PCDHGA5: variants seen among roughly 807,000 people sequenced by gnomAD.
PCDHGA5 encodes protocadherin gamma subfamily A, 5.
A neutral mutation model predicts 56.7 loss-of-function variants in PCDHGA5; 36 were observed. That is an observed-to-expected ratio of 0.64 (90% CI 0.49 to 0.84). PCDHGA5 has a LOEUF of 0.84. PCDHGA5 is among the 40% of genes least tolerant of loss of function. The pLI, the probability that PCDHGA5 is intolerant of heterozygous loss-of-function variation, is 0.00. For synonymous variants in PCDHGA5, 563 were observed against 520.2 expected, an observed-to-expected ratio of 1.08 and a Z score of -1.12; for missense variants, 1,305 against 1,201.5, an observed-to-expected ratio of 1.09 and a Z score of -1.27.
intron 1 of PCDHGA5, among the ~76,000 whole-genome samples, chr5:141,470,814 A>T (rs1170059292): frequency 2.6e-5 from 4 of 152,006 alleles, no homozygotes; most frequent in Admixed American, 6.5e-5. Context: ...CAGCCTTCTG[A>T]GTAGTTAGGA....
chr5:141,433,571 C>T lies in PCDHGA5; in HGVS notation c.2422-61236C>T, dbSNP rs2097625242. ...TCTTTTCTGGCTGGGCGCGGTGGCT[C>T]ACGCCTGTAATCCCAGTACTTTGGG... On this transcript the variant is annotated intron_variant, in intron 1 of 3. Coordinates refer to ENST00000518069, the MANE Select transcript of PCDHGA5 (RefSeq NM_018918.3). 3.9e-5 allele frequency among the ~76,000 whole-genome samples: 6 copies of T among 152,228 alleles called. No homozygotes were observed. The South Asian group carries it at 1.2e-3, about 32-fold the overall frequency.
In PCDHGA5 at chr5:141,403,600, T is replaced by C. The variant is rs530169293; in HGVS notation, c.2421+36849T>C. 72 of 1,613,786 alleles carry C rather than the reference T, an allele frequency of 4.5e-5. 1 individual carries two copies. The East Asian group carries it at 1.6e-3, about 35-fold the overall frequency. On this transcript the variant is annotated intron_variant, in intron 1 of 3. Coordinates refer to ENST00000518069, the MANE Select transcript of PCDHGA5 (RefSeq NM_018918.3). ...ACCACCTGGTCCTCACGGCCTCGGATGGCGGCGAGCCGCGTCGCTCCAGCA... is the reference window on the plus strand; with the variant it reads ...ACCACCTGGTCCTCACGGCCTCGGACGGCGGCGAGCCGCGTCGCTCCAGCA...
At chr5:141,430,977 A>C (rs761722055) in intron 1 of PCDHGA5, 1 of 1,613,290 alleles carries the variant, frequency 6.2e-7, no homozygotes, top group South Asian at 1.1e-5. Context: ...GGTAGGACGC[A>C]GCTTTTCGCC....
intron 1 of PCDHGA5, chr5:141,418,035 T>C: frequency 6.2e-7 from 1 of 1,614,000 alleles, no homozygotes; most frequent in Non-Finnish European, 8.5e-7. Context: ...CTTAGTGTCC[T>C]GGATGTGTCG....
At chr5:141,453,932 C>T (rs57919166) in intron 1 of PCDHGA5, among the ~76,000 whole-genome samples, 2 of 152,296 alleles carry the variant, frequency 1.3e-5, no homozygotes, top group African/African-American at 4.8e-5. Context: ...TCACTGTGTG[C>T]CTATAATTTA....
chr5:141,428,015 A>G, intron 1 of PCDHGA5: 5 of 1,604,042 alleles, frequency 3.1e-6, no homozygotes, highest in Non-Finnish European at 3.4e-6. Flanking sequence ...ATATAGTGCC[A>G]CGCGCCGCAG....
At chr5:141,503,010 A>AT (rs199924715) in intron 2 of PCDHGA5, among the ~76,000 whole-genome samples, 26,593 of 146,658 alleles carry the variant, frequency 0.18, 2,532 homozygotes, top group Admixed American at 0.29. Context: ...TGCCCGGTTA[A>AT]TTTTTTTTTT....
chr5:141,477,898 AG>A lies in PCDHGA5; in HGVS notation c.2422-16907del. The stretch of plus-strand genomic sequence containing the variant: ...CTGGCCACCTAGTGTCACGGGTGGT[AG>A]GCTGGGACGCGGATGCAGGGCACAA... On this transcript the variant is annotated intron_variant, in intron 1 of 3. Coordinates refer to ENST00000518069, the MANE Select transcript of PCDHGA5 (RefSeq NM_018918.3). The surrounding 1 kb of genome is among the most constrained non-coding windows in gnomAD (Gnocchi z 4.9). The A allele has an allele frequency of 6.2e-7, 1 of 1,614,158 alleles. No individual in the cohort carries two copies. Among genetic ancestry groups the A allele is most frequent in the Non-Finnish European group, 8.5e-7 (1 of 1,180,036 alleles).
intron 1 of PCDHGA5, chr5:141,441,480 T>A (rs1679700290): frequency 5.9e-6 from 1 of 170,298 alleles, no homozygotes. Flanking sequence ...CCAACGACAA[T>A]GCTCTGGTTT....
At chr5:141,392,693 C>T (rs1315405629) in intron 1 of PCDHGA5, 5 of 1,161,626 alleles carry the variant, frequency 4.3e-6, no homozygotes, top group Non-Finnish European at 5.8e-6. Context: ...GAAACCCGAC[C>T]CCTGTTTGGA....
chr5:141,473,260 G>T (rs2099318007), intron 1 of PCDHGA5, among the ~76,000 whole-genome samples: 1 of 152,148 alleles, frequency 6.6e-6, no homozygotes, highest in South Asian at 2.1e-4. Flanking sequence ...ATAGTCCTTA[G>T]TGTATGCTAT....
chr5:141,475,984 G>C (rs1282216343), intron 1 of PCDHGA5: 1 of 1,069,308 alleles, frequency 9.4e-7, no homozygotes, highest in Non-Finnish European at 1.3e-6. Flanking sequence ...AACAGCCGGC[G>C]AGCAAATCAA....
At chr5:141,503,229 T>C (rs986982708) in intron 2 of PCDHGA5, among the ~76,000 whole-genome samples, 1 of 152,080 alleles carries the variant, frequency 6.6e-6, no homozygotes, top group African/African-American at 2.4e-5. Context: ...ACCGTAAAGA[T>C]GGACAGTTTC....
At chr5:141,396,767 G>C (rs900685366) in intron 1 of PCDHGA5, 1 of 152,220 alleles carries the variant, frequency 6.6e-6, no homozygotes, top group African/African-American at 2.4e-5. Context: ...ATAAATGTTT[G>C]TTATTAATGA....
At chr5:141,403,784 G>T in intron 1 of PCDHGA5, 1 of 1,613,906 alleles carries the variant, frequency 6.2e-7, no homozygotes, top group Non-Finnish European at 8.5e-7. Context: ...CGGAAAAGTG[G>T]CATACAAATT....
intron 1 of PCDHGA5, among the ~76,000 whole-genome samples, chr5:141,483,913 C>G (rs988014158): frequency 6.7e-6 from 1 of 148,188 alleles, no homozygotes; most frequent in African/African-American, 2.5e-5. Context: ...GTTTCCCACT[C>G]AGATTGCAGG....
At chr5:141,384,653 G>T in intron 1 of PCDHGA5, 1 of 1,614,222 alleles carries the variant, frequency 6.2e-7, no homozygotes, top group Non-Finnish European at 8.5e-7. Context: ...GCAGAGCCCG[G>T]CTACCTGGTG....
At chr5:141,413,450 G>T (rs2095642221) in intron 1 of PCDHGA5, 1 of 1,614,148 alleles carries the variant, frequency 6.2e-7, no homozygotes, top group Non-Finnish European at 8.5e-7. Context: ...ATCACCGCGG[G>T]CAGGATAGAC....
Position 141,486,998 on chromosome 5 carries a change from C to G in PCDHGA5, c.2422-7809C>G, listed in dbSNP as rs754609128. On this transcript the variant is annotated intron_variant, in intron 1 of 3. Coordinates refer to ENST00000518069, the MANE Select transcript of PCDHGA5 (RefSeq NM_018918.3). The surrounding 1 kb of genome is among the most constrained non-coding windows in gnomAD (Gnocchi z 5.0). ...AGGTTACAATGCTTGGGTTTCCTAT[C>G]AGCTCCTGGAGGCCCCAGATCCCAG... The G allele has an allele frequency of 6.2e-7, 1 of 1,614,206 alleles. No homozygotes were observed. Among genetic ancestry groups the G allele is most frequent in the Non-Finnish European group, 8.5e-7 (1 of 1,180,034 alleles).
Sources: allele counts gnomAD v4.1 joint callset (sites outside exome capture counted in the v4.1 genomes callset), GRCh38; gene constraint gnomAD v4.1.1; non-coding constraint Gnocchi (gnomAD v3.1); transcripts MANE v1.5; gene names NCBI Gene and HGNC (gene_info 2026-07-23, HGNC 2026-07-21).